Variants in SPOCK1 observed in about 807,000 individuals in gnomAD.
SPOCK1 encodes the protein SPARC (osteonectin), cwcv and kazal like domains proteoglycan 1.
In SPOCK1, 23 loss-of-function variants were observed where a neutral mutation model predicts 55.3. The ratio of observed to expected loss-of-function variants is 0.42; its 90% CI spans 0.30 to 0.59. The LOEUF is 0.59. Among genes scored for constraint, SPOCK1 ranks in the 20% least tolerant of loss-of-function variants. The probability of loss-of-function intolerance (pLI) is 0.22; values close to 1 mark genes in which losing one functional copy is unlikely to be tolerated. For missense variants in SPOCK1, 499 were observed against 552.5 expected, an observed-to-expected ratio of 0.90 and a Z score of 0.97; for synonymous variants, 226 against 221.0, an observed-to-expected ratio of 1.02 and a Z score of -0.20.
chr5:137,203,887 C>T (rs1485939360), intron 3 of SPOCK1, among the ~76,000 whole-genome samples: 1 of 152,200 alleles, frequency 6.6e-6, no homozygotes, highest in Non-Finnish European at 1.5e-5. Flanking sequence ...TATGGAAAAT[C>T]CCTCTTAAGT....
chr5:137,006,018 T>C lies in SPOCK1; in HGVS notation c.590-13418A>G, dbSNP rs543030264. On this transcript the variant is annotated intron_variant, in intron 6 of 10. Transcript: ENST00000394945. Reference sequence around the variant, plus strand: ...TTGTCAAAGATCAGATGGTTGTAGATGTGTGGTGTTATTTCTGAAGCCTCT... The same window carrying C: ...TTGTCAAAGATCAGATGGTTGTAGACGTGTGGTGTTATTTCTGAAGCCTCT... 2.0e-5 allele frequency among the ~76,000 whole-genome samples: 3 copies of C among 152,280 alleles called. No homozygotes were observed. The South Asian group carries it at 6.2e-4, about 32-fold the overall frequency.
At chr5:137,141,743 G>A (rs1043906670) in intron 3 of SPOCK1, among the ~76,000 whole-genome samples, 4 of 152,146 alleles carry the variant, frequency 2.6e-5, no homozygotes, top group Middle Eastern at 3.2e-3. Context: ...AGAGTGAACC[G>A]GCACAGAGAG....
intron 6 of SPOCK1, among the ~76,000 whole-genome samples, chr5:136,999,373 CG>C (rs1751106172): frequency 6.6e-6 from 1 of 152,130 alleles, no homozygotes; most frequent in Non-Finnish European, 1.5e-5. Flanking sequence ...GCCTGTACCC[CG>C]GGACCCCATT....
chr5:137,484,095 C>T (rs959306813), intron 2 of SPOCK1, among the ~76,000 whole-genome samples: 1 of 152,168 alleles, frequency 6.6e-6, no homozygotes, highest in Non-Finnish European at 1.5e-5. Context: ...TGGGAATGGA[C>T]TTGGTTTTCA....
intron 2 of SPOCK1, among the ~76,000 whole-genome samples, chr5:137,461,477 G>A (rs1477174220): frequency 6.6e-6 from 1 of 152,200 alleles, no homozygotes; most frequent in Non-Finnish European, 1.5e-5. Flanking sequence ...CAGCTTTTGG[G>A]GGCAGCCCCT....
At chr5:137,142,490 G>A (rs1754118914) in intron 3 of SPOCK1, among the ~76,000 whole-genome samples, 2 of 152,216 alleles carry the variant, frequency 1.3e-5, no homozygotes, top group African/African-American at 4.8e-5. Context: ...TGCATTCTCA[G>A]GCCCATCTGG....
intron 2 of SPOCK1, among the ~76,000 whole-genome samples, chr5:137,279,397 C>T (rs1051510914): frequency 6.6e-6 from 1 of 152,128 alleles, no homozygotes; most frequent in African/African-American, 2.4e-5. Flanking sequence ...TCCATAGAAC[C>T]AGGGAAGATT....
chr5:137,192,772 G>A (rs919554836), intron 3 of SPOCK1, among the ~76,000 whole-genome samples: 56 of 152,082 alleles, frequency 3.7e-4, no homozygotes, highest in African/African-American at 1.2e-3. Flanking sequence ...CCAACAACAC[G>A]GAAAAACCTC....
At chr5:137,175,865 C>A (rs1204669985) in intron 3 of SPOCK1, among the ~76,000 whole-genome samples, 3 of 152,232 alleles carry the variant, frequency 2.0e-5, no homozygotes, top group African/African-American at 7.2e-5. Flanking sequence ...CATGCAAATA[C>A]ATCTTTATGG....
chr5:137,305,671 C>T (rs142835974), intron 2 of SPOCK1, among the ~76,000 whole-genome samples: 8 of 152,310 alleles, frequency 5.3e-5, no homozygotes, highest in South Asian at 2.1e-4. Flanking sequence ...TGTAAAAACA[C>T]GCCTTCTCAT....
intron 6 of SPOCK1, among the ~76,000 whole-genome samples, chr5:136,994,015 T>A (rs1750996468): frequency 6.6e-6 from 1 of 152,160 alleles, no homozygotes; most frequent in African/African-American, 2.4e-5. Context: ...TAAGGCTTGA[T>A]GGAGAACCGA....
intron 2 of SPOCK1, among the ~76,000 whole-genome samples, chr5:137,312,849 C>T (rs1483873494): frequency 6.6e-6 from 1 of 152,212 alleles, no homozygotes; most frequent in Non-Finnish European, 1.5e-5. Context: ...GCAGGAGATT[C>T]CTTTGTGTTA....
At chr5:137,115,994 A>G (rs769923656) in intron 4 of SPOCK1, among the ~76,000 whole-genome samples, 9 of 152,212 alleles carry the variant, frequency 5.9e-5, no homozygotes, top group African/African-American at 9.6e-5. Flanking sequence ...GTTATGCCCA[A>G]TGTCACAGAT....
intron 2 of SPOCK1, among the ~76,000 whole-genome samples, chr5:137,408,850 C>T (rs1472402926): frequency 4.6e-5 from 7 of 152,162 alleles, no homozygotes; most frequent in Non-Finnish European, 1.0e-4. Context: ...ATGGCCTTGC[C>T]CATGCTTCTT....
rs1001758401 is a variant in SPOCK1 at position 137,294,724 on chromosome 5, T to C, written c.187-27669A>G. ...ACCCTATTGCTTCTCCTACTTTCCA[T>C]CTCTCCCCTCTGGTTCACTCTGCTC... On this transcript the variant is annotated intron_variant, in intron 2 of 10. Transcript: ENST00000394945. 1.1e-4 allele frequency among the ~76,000 whole-genome samples: 16 copies of C among 152,296 alleles called. 1 individual carries two copies. The highest frequency in any genetic ancestry group is 3.9e-4 in the East Asian group (2 of 5,188).
chr5:137,259,544 C>T (rs192593007), intron 3 of SPOCK1, among the ~76,000 whole-genome samples: 4 of 152,118 alleles, frequency 2.6e-5, no homozygotes, highest in South Asian at 2.1e-4. Flanking sequence ...ATGTAGATGA[C>T]GGGTTGATGT....
chr5:137,039,299 G>GTTTTT, intron 6 of SPOCK1, among the ~76,000 whole-genome samples: 1 of 98,008 alleles, frequency 1.0e-5, no homozygotes, highest in Non-Finnish European at 2.1e-5. Context: ...TTTTTTTTTT[G>GTTTTT]TTGTTGCAAC....
In SPOCK1 at chr5:137,467,648, C is replaced by A. The variant is rs937411488; in HGVS notation, c.186+30725G>T. The stretch of plus-strand genomic sequence containing the variant: ...TCTGCTTGGGATTCAAGTAAGGCTT[C>A]CCTAAAGAAGAGAGCCAGGCTGAGA... On this transcript the variant is annotated intron_variant, in intron 2 of 10. Transcript: ENST00000394945. 2.0e-5 allele frequency among the ~76,000 whole-genome samples: 3 copies of A among 152,114 alleles called. No individual in the cohort carries two copies. In the East Asian group the frequency reaches 5.8e-4, roughly 29 times the overall value.
intron 7 of SPOCK1, among the ~76,000 whole-genome samples, chr5:136,989,722 C>CTGACT (rs1580696136): frequency 1.3e-5 from 2 of 152,176 alleles, no homozygotes; most frequent in East Asian, 3.9e-4. Flanking sequence ...AGCCTTCTGC[C>CTGACT]TGACTTGATC....
Sources: allele counts gnomAD v4.1 joint callset (sites outside exome capture counted in the v4.1 genomes callset), GRCh38; gene constraint gnomAD v4.1.1; transcripts MANE v1.5; gene names NCBI Gene and HGNC (gene_info 2026-07-23, HGNC 2026-07-21).